Variants in DHRSX observed in about 807,000 individuals in gnomAD.
DHRSX encodes polyprenol dehydrogenase.
DHRSX carries 31 observed loss-of-function variants against 34.0 expected under a neutral mutation model. The ratio of observed to expected loss-of-function variants is 0.91; its 90% CI spans 0.69 to 1.23. The LOEUF is 1.23. DHRSX is among the 50% of genes most tolerant of loss of function. DHRSX has a pLI of 0.00. For synonymous variants in DHRSX, 201 were observed against 183.8 expected (o/e 1.09, Z -0.76); for missense variants, 414 against 428.1 (o/e 0.97, Z 0.29).
At chrX:2,405,139 C>T (rs2043535676) in intron 3 of DHRSX, among the ~76,000 whole-genome samples, 1 of 146,112 alleles carries the variant, frequency 6.8e-6, no homozygotes, top group Non-Finnish European at 1.5e-5. Context: ...GAGATAGGGG[C>T]ATAGGCAGTG....
At chrX:2,335,190 A>AG (rs1269810180) in intron 3 of DHRSX, among the ~76,000 whole-genome samples, 2 of 151,602 alleles carry the variant, frequency 1.3e-5, no homozygotes. Context: ...ATCTCAAAAA[A>AG]AAAAAAAAAG....
At chrX:2,335,981 G>A (rs1305800049) in intron 3 of DHRSX, among the ~76,000 whole-genome samples, 1 of 152,062 alleles carries the variant, frequency 6.6e-6, no homozygotes, top group Admixed American at 6.6e-5. Context: ...GGAGCACAGT[G>A]TCTTTAATAT....
intron 4 of DHRSX, among the ~76,000 whole-genome samples, chrX:2,283,390 A>G (rs2041756121): frequency 6.6e-6 from 1 of 152,158 alleles, no homozygotes; most frequent in Non-Finnish European, 1.5e-5. Context: ...CTGGAAGAGA[A>G]GCAAACAGAA....
At chrX:2,264,689 ACGTGCGCC>A (rs2041417750) in intron 5 of DHRSX, among the ~76,000 whole-genome samples, 1 of 148,254 alleles carries the variant, frequency 6.7e-6, no homozygotes, top group Non-Finnish European at 1.5e-5. Flanking sequence ...TTTCCAGGGC[ACGTGCGCC>A]CAGTAGACAC....
intron 1 of DHRSX, chrX:2,489,335 G>A (rs199678782): frequency 9.3e-6 from 15 of 1,613,820 alleles, no homozygotes; most frequent in East Asian, 4.5e-5. Flanking sequence ...GATCTCGGGC[G>A]TCTCCTGGTA....
chrX:2,406,412 G>A lies in DHRSX; in HGVS notation c.286+2333C>T, dbSNP rs189589509. On this transcript the variant is annotated intron_variant, in intron 3 of 6. Coordinates refer to ENST00000334651, the MANE Select transcript of DHRSX (RefSeq NM_145177.3). ...CCAGCTAAAATGGATATTGTCAGAA[G>A]GGTGTTTTTGTTTGTGTTTTTTTGT... Among the ~76,000 whole-genome samples the A allele has an allele frequency of 5.0e-3, 754 of 149,826 alleles. 3 individuals are homozygous for A. Among genetic ancestry groups the A allele is most frequent in the African/African-American group, 0.017 (708 of 40,474 alleles).
intron 4 of DHRSX, among the ~76,000 whole-genome samples, chrX:2,275,176 T>G (rs1275381553): frequency 6.6e-6 from 1 of 151,970 alleles, no homozygotes; most frequent in Non-Finnish European, 1.5e-5. Context: ...AAGTTATTAT[T>G]TTCTTTTAAA....
chrX:2,481,035 T>C (rs781489132), intron 1 of DHRSX, among the ~76,000 whole-genome samples: 1 of 152,310 alleles, frequency 6.6e-6, no homozygotes, highest in Admixed American at 6.5e-5. Context: ...AGCTTGTTAA[T>C]ATGTTAATTA....
chrX:2,259,216 T>C (rs1475122565), intron 5 of DHRSX, among the ~76,000 whole-genome samples: 1 of 151,256 alleles, frequency 6.6e-6, no homozygotes, highest in Non-Finnish European at 1.5e-5. Context: ...GAGGTTGCAG[T>C]GAGCCGAGAT....
chrX:2,470,176 T>C (rs1306461574), intron 1 of DHRSX, among the ~76,000 whole-genome samples: 2 of 149,804 alleles, frequency 1.3e-5, no homozygotes, highest in Non-Finnish European at 1.5e-5. Flanking sequence ...ATCTCGTATG[T>C]AGAATCTAAA....
At chrX:2,323,921 G>T (rs2042343722) in intron 3 of DHRSX, among the ~76,000 whole-genome samples, 1 of 151,708 alleles carries the variant, frequency 6.6e-6, no homozygotes, top group Non-Finnish European at 1.5e-5. Context: ...GCTGGGTGTG[G>T]TGGTGCACAC....
At chrX:2,427,630 G>C (rs768065754) in intron 1 of DHRSX, among the ~76,000 whole-genome samples, 22 of 152,260 alleles carry the variant, frequency 1.4e-4, no homozygotes, top group Admixed American at 1.3e-3. Flanking sequence ...AGGGGGACAT[G>C]ATGAGGCAAG....
chrX:2,257,672 C>T, intron 5 of DHRSX, among the ~76,000 whole-genome samples: 1 of 152,290 alleles, frequency 6.6e-6, no homozygotes, highest in African/African-American at 2.4e-5. Flanking sequence ...GTCACCAAGG[C>T]TGGAGTGCAA....
intron 1 of DHRSX, among the ~76,000 whole-genome samples, chrX:2,457,732 C>G (rs1406777685): frequency 6.6e-6 from 1 of 151,346 alleles, no homozygotes; most frequent in Non-Finnish European, 1.5e-5. Context: ...AAGAATGTGG[C>G]CAAGGGACTG....
chrX:2,350,009 A>C (rs961148775), intron 3 of DHRSX, among the ~76,000 whole-genome samples: 1 of 151,980 alleles, frequency 6.6e-6, no homozygotes, highest in Non-Finnish European at 1.5e-5. Context: ...ACTGCACTCC[A>C]GCCTGGGCGA....
At chrX:2,350,293 G>A (rs1034379363) in intron 3 of DHRSX, among the ~76,000 whole-genome samples, 1 of 152,146 alleles carries the variant, frequency 6.6e-6, no homozygotes, top group African/African-American at 2.4e-5. Context: ...GGAGGTTGCA[G>A]TGAGCCGAGA....
intron 1 of DHRSX, among the ~76,000 whole-genome samples, chrX:2,458,067 TA>T (rs1293136101): frequency 6.6e-6 from 1 of 150,428 alleles, no homozygotes; most frequent in Non-Finnish European, 1.5e-5. Flanking sequence ...CCCGAAGAAT[TA>T]GGACTAGGGA....
chrX:2,302,612 A>AAAAT (rs746166098), intron 3 of DHRSX, among the ~76,000 whole-genome samples: 2,278 of 149,956 alleles, frequency 0.015, 56 homozygotes, highest in African/African-American at 0.05. Flanking sequence ...ACTGTCTCAA[A>AAAAT]AAATAAATAA....
intron 3 of DHRSX, among the ~76,000 whole-genome samples, chrX:2,302,761 T>A (rs2042028523): frequency 6.6e-6 from 1 of 152,154 alleles, no homozygotes; most frequent in South Asian, 2.1e-4. Flanking sequence ...GTTTAGAAAC[T>A]TAAAAAATAA....
Sources: gnomAD v4.1 joint callset for allele counts (sites outside exome capture counted in the v4.1 genomes callset) on GRCh38, gnomAD v4.1.1 for gene constraint, MANE v1.5 for transcripts, NCBI Gene and HGNC (gene_info 2026-07-23, HGNC 2026-07-21) for gene names.